IQSEC1: variants seen among roughly 807,000 people sequenced by gnomAD.
IQSEC1 encodes IQ motif and SEC7 domain-containing protein 1.
A neutral mutation model predicts 91.0 loss-of-function variants in IQSEC1; 31 were observed. The ratio of observed to expected loss-of-function variants is 0.34; its 90% CI spans 0.26 to 0.46. The LOEUF (loss-of-function observed/expected upper bound fraction) is 0.46, where lower values mean the gene tolerates loss of function less well. Among genes scored for constraint, IQSEC1 ranks in the 20% least tolerant of loss-of-function variants. IQSEC1 has a pLI of 1.00. For missense variants in IQSEC1, 1,388 were observed against 1,575.6 expected (o/e 0.88, Z 2.02); for synonymous variants, 699 against 662.6 (o/e 1.05, Z -0.84).
At chr3:12,921,986 C>A (rs920980391) in intron 5 of IQSEC1, 134 bp downstream of exon 5, 1 of 1,156,544 alleles carries the variant, frequency 8.6e-7, no homozygotes, top group South Asian at 1.9e-5. Context: ...ACGATCACCC[C>A]CAAAGCAACA....
At chr3:13,122,688 C>T (rs891766130) in intron 2 of IQSEC1, among the ~76,000 whole-genome samples, 2 of 152,304 alleles carry the variant, frequency 1.3e-5, no homozygotes, top group African/African-American at 2.4e-5. Context: ...CACATCCCAC[C>T]TGGTCTCTGT....
chr3:13,281,739 GA>G (rs1695793523), intron 1 of IQSEC1, among the ~76,000 whole-genome samples: 2 of 152,212 alleles, frequency 1.3e-5, no homozygotes, highest in Non-Finnish European at 2.9e-5. Flanking sequence ...CGCCCAGCAG[GA>G]AGACTGTCCT....
chr3:13,004,860 C>A (rs967842557), intron 1 of IQSEC1, among the ~76,000 whole-genome samples: 4 of 152,164 alleles, frequency 2.6e-5, no homozygotes, highest in Non-Finnish European at 5.9e-5. Context: ...TCCACCTCCA[C>A]CAGTAAGCCC....
chr3:13,002,321 T>C (rs749131868), intron 1 of IQSEC1, among the ~76,000 whole-genome samples: 1 of 152,122 alleles, frequency 6.6e-6, no homozygotes, highest in Non-Finnish European at 1.5e-5. Flanking sequence ...AGCAAGAGAA[T>C]TACAAATTCA....
At chr3:13,265,327 C>T (rs1267491944) in intron 1 of IQSEC1, among the ~76,000 whole-genome samples, 1 of 152,148 alleles carries the variant, frequency 6.6e-6, no homozygotes, top group Non-Finnish European at 1.5e-5. Context: ...GCGTGAAGCA[C>T]CCAGCCCTCA....
intron 1 of IQSEC1, among the ~76,000 whole-genome samples, chr3:13,189,708 A>G (rs1693989267): frequency 6.6e-6 from 1 of 151,868 alleles, no homozygotes; most frequent in Non-Finnish European, 1.5e-5. Flanking sequence ...TCCACCCCTG[A>G]GCTTCCTGCC....
At position 12,935,728 on chromosome 3, in the gene IQSEC1, G is replaced by A. The variant is rs1698110781; in HGVS notation, c.1288C>T (p.Pro430Ser). Residue 430 changes from proline (P) to serine (S), a missense_variant, in exon 3 of 14, where the codon CCC becomes TCC. Transcript: ENST00000613206. This position sits in a 1 kb window ranked among gnomAD's most constrained non-coding sequence, Gnocchi z 8.0. ...EPELRPRPPR[P>S]LDSHLAINGS... ...TTGATGGCCAAGTGGCTGTCCAGGG[G>A]CCTGGGGGGCCGGGGCCGCAACTCA... The A allele has an allele frequency of 6.2e-7, 1 of 1,612,156 alleles. No homozygotes were observed. Among genetic ancestry groups the A allele is most frequent in the East Asian group, 2.2e-5 (1 of 44,848 alleles).
chr3:12,956,646 A>G (rs1486471718), intron 1 of IQSEC1, among the ~76,000 whole-genome samples: 1 of 152,236 alleles, frequency 6.6e-6, no homozygotes, highest in Non-Finnish European at 1.5e-5. Flanking sequence ...CTTGGGTTCA[A>G]ATTCAAGCTG....
intron 2 of IQSEC1, among the ~76,000 whole-genome samples, chr3:13,083,332 T>C (rs911634837): frequency 2.6e-5 from 4 of 152,218 alleles, no homozygotes; most frequent in Admixed American, 6.5e-5. Context: ...AGTCACTCAC[T>C]GGTCCTTCAC....
chr3:12,897,713 C>CGGGCACA lies in IQSEC1; in HGVS notation c.*3263_*3269dup, dbSNP rs1258578733. On this transcript the variant is annotated 3_prime_UTR_variant, in exon 14 of 14. Coordinates refer to ENST00000613206, the MANE Select transcript of IQSEC1 (RefSeq NM_001134382.3). ...CTGTAAGACTGTGCGTGCTTACCTG[C>CGGGCACA]GGGCACAGAGCTTCCCGTGGCGCTG... 6.6e-6 allele frequency: 1 copy of CGGGCACA among 152,220 alleles called. No homozygotes were observed. Among genetic ancestry groups the CGGGCACA allele is most frequent in the African/African-American group, 2.4e-5 (1 of 41,444 alleles). 9.4% of individuals were successfully genotyped at this position (152,220 alleles called of 1,614,324 possible).
rs570528103 is a variant in IQSEC1 at position 13,156,198 on chromosome 3, C to T, written c.302+7906G>A. 5.3e-5 allele frequency among the ~76,000 whole-genome samples: 8 copies of T among 151,944 alleles called. No homozygotes were observed. The South Asian group carries it at 1.7e-3, about 32-fold the overall frequency. ...AGTGAGCTGAAACTGCACTGCTGCA[C>T]TCTAGCCTAGGTGATAGAGCGAGAC... On this transcript the variant is annotated intron_variant, in intron 2 of 15. Transcript: ENST00000648114.
At chr3:13,204,708 G>A (rs1362096816) in intron 1 of IQSEC1, among the ~76,000 whole-genome samples, 1 of 152,142 alleles carries the variant, frequency 6.6e-6, no homozygotes, top group African/African-American at 2.4e-5. Flanking sequence ...CGTTCGTGCT[G>A]TCCGTTTTCT....
intron 1 of IQSEC1, among the ~76,000 whole-genome samples, chr3:12,945,439 G>A (rs887166163): frequency 2.0e-4 from 30 of 150,558 alleles, no homozygotes; most frequent in Admixed American, 1.7e-3. Flanking sequence ...TCCCTCCCCC[G>A]ACTCAAACGC....
chr3:13,249,167 CTTTTTTTTT>C (rs60976247), intron 1 of IQSEC1, among the ~76,000 whole-genome samples: 1 of 106,730 alleles, frequency 9.4e-6, no homozygotes, highest in Non-Finnish European at 1.9e-5. Context: ...GAAGGAATTT[CTTTTTTTTT>C]TTTTTTTTTT....
chr3:13,230,415 GCTAA>G (rs1389442847), intron 1 of IQSEC1, among the ~76,000 whole-genome samples: 2 of 152,164 alleles, frequency 1.3e-5, no homozygotes, highest in Non-Finnish European at 2.9e-5. Flanking sequence ...TAAAGCTTTG[GCTAA>G]CTTTCTCAAA....
At chr3:13,183,516 A>G (rs1693881551) in intron 1 of IQSEC1, among the ~76,000 whole-genome samples, 1 of 152,062 alleles carries the variant, frequency 6.6e-6, no homozygotes, top group South Asian at 2.1e-4. Context: ...CAGTGAGCCA[A>G]GATCATACCA....
chr3:12,902,694 A>C (rs1430245264), intron 13 of IQSEC1, 79 bp downstream of exon 13: 49 of 728,656 alleles, frequency 6.7e-5, no homozygotes, highest in South Asian at 6.7e-4. Context: ...AAAAAAAAAA[A>C]CCAGGACAAC....
chr3:12,904,144 T>C (rs1694700406), intron 12 of IQSEC1, among the ~76,000 whole-genome samples: 1 of 152,244 alleles, frequency 6.6e-6, no homozygotes, highest in Non-Finnish European at 1.5e-5. Context: ...GAGGAAGTGC[T>C]GTGGGCTTCG....
Position 12,935,899 on chromosome 3 carries a change from CG to C in IQSEC1, c.1116del (p.Ser372ArgfsTer147). ...HLPLLTIEPP[S>X]DSSVDLSDRS... ...CGGTCACTAAGGTCCACAGAGCTGT[CG>C]CTGGGTGGCTCGATGGTGAGCAGCG... On this transcript the variant is annotated frameshift_variant, in exon 3 of 14. Coordinates refer to ENST00000613206, the MANE Select transcript of IQSEC1 (RefSeq NM_001134382.3). LOFTEE classifies it high-confidence loss of function. The surrounding 1 kb of genome is among the most constrained non-coding windows in gnomAD (Gnocchi z 8.0). The C allele has an allele frequency of 6.2e-7, 1 of 1,603,452 alleles. No homozygotes were observed. The highest frequency in any genetic ancestry group is 8.5e-7 in the Non-Finnish European group (1 of 1,179,668).
Sources: allele counts gnomAD v4.1 joint callset (sites outside exome capture counted in the v4.1 genomes callset), GRCh38; gene constraint gnomAD v4.1.1; non-coding constraint Gnocchi (gnomAD v3.1); transcripts MANE v1.5; gene names NCBI Gene and HGNC (gene_info 2026-07-23, HGNC 2026-07-21).